The following CAMTA1 variants were observed in gnomAD, a reference collection of about 807,000 sequenced individuals.
CAMTA1 encodes the protein calmodulin-binding transcription activator 1.
In CAMTA1, 27 loss-of-function variants were observed where a neutral mutation model predicts 170.9. The ratio of observed to expected loss-of-function variants is 0.16; its 90% confidence interval spans 0.12 to 0.22. CAMTA1 has a LOEUF of 0.22. Among genes scored for constraint, CAMTA1 ranks in the 10% least tolerant of loss-of-function variants. The pLI is 1.00. For missense variants in CAMTA1, 1,619 were observed against 2,217.2 expected (o/e 0.73, Z 5.42); for synonymous variants, 833 against 891.5 (o/e 0.93, Z 1.17).
chr1:7,213,481 G>A (rs1170695205), intron 4 of CAMTA1, among the ~76,000 whole-genome samples: 2 of 151,774 alleles, frequency 1.3e-5, no homozygotes, highest in East Asian at 1.9e-4. Context: ...TAAGCTTTGG[G>A]GGTTCTTTAT....
At chr1:7,051,727 A>ATCCCT in intron 3 of CAMTA1, among the ~76,000 whole-genome samples, 1 of 152,116 alleles carries the variant, frequency 6.6e-6, no homozygotes, top group Non-Finnish European at 1.5e-5. Context: ...GGACAGACTC[A>ATCCCT]GGACCAGCCT....
chr1:6,977,194 A>G (rs749601502), intron 3 of CAMTA1, among the ~76,000 whole-genome samples: 5 of 152,196 alleles, frequency 3.3e-5, no homozygotes, highest in Admixed American at 6.5e-5. Flanking sequence ...TGCGGAGGAC[A>G]TCGGAGAATA....
At chr1:7,225,752 C>T (rs1167256500) in intron 4 of CAMTA1, among the ~76,000 whole-genome samples, 2 of 152,228 alleles carry the variant, frequency 1.3e-5, no homozygotes, top group Admixed American at 6.5e-5. Flanking sequence ...TTTTGGTTGG[C>T]TCAGAGTTCC....
chr1:7,191,236 C>G (rs971065237), intron 4 of CAMTA1, among the ~76,000 whole-genome samples: 3 of 152,178 alleles, frequency 2.0e-5, no homozygotes, highest in African/African-American at 7.2e-5. Context: ...GGGTAGGACA[C>G]CCCATAGCTT....
intron 3 of CAMTA1, among the ~76,000 whole-genome samples, chr1:6,911,190 G>A (rs1000201435): frequency 6.6e-6 from 1 of 152,078 alleles, no homozygotes; most frequent in African/African-American, 2.4e-5. Context: ...CTCCTTGAAC[G>A]TGGTGAGGAC....
chr1:7,036,359 A>G (rs559595233), intron 3 of CAMTA1, among the ~76,000 whole-genome samples: 38 of 152,332 alleles, frequency 2.5e-4, no homozygotes, highest in African/African-American at 8.9e-4. Flanking sequence ...TTCTACGTGA[A>G]AACTGCTAAA....
rs966516448 is a variant in CAMTA1, at chr1:7,680,143, C to A, written c.2914+2410C>A. The A allele has an allele frequency of 2.1e-5, 4 of 193,070 alleles. No homozygotes were observed. The highest frequency in any genetic ancestry group is 6.2e-5 in the Admixed American group (1 of 16,158). 12.0% of individuals were successfully genotyped at this position (193,070 alleles called of 1,614,324 possible). A position where few individuals can be genotyped will look rare whatever the true frequency, so the allele number is the denominator to read the frequency against. On this transcript the variant is annotated intron_variant, in intron 11 of 22. Coordinates refer to ENST00000303635, the MANE Select transcript of CAMTA1 (RefSeq NM_015215.4). This position sits in a 1 kb window ranked among gnomAD's most constrained non-coding sequence, Gnocchi z 4.4. Reference sequence around the variant, plus strand: ...CAGCTAGTCGGGAGCGCGGGGGTCCCGGGCCTCTGGCCAGCCACGGGGCCT... The same window carrying A: ...CAGCTAGTCGGGAGCGCGGGGGTCCAGGGCCTCTGGCCAGCCACGGGGCCT...
chr1:7,612,414 T>A, intron 6 of CAMTA1, among the ~76,000 whole-genome samples: 1 of 152,314 alleles, frequency 6.6e-6, no homozygotes, highest in East Asian at 1.9e-4. Flanking sequence ...ACTGTGCCAC[T>A]CTTCTGCCCC....
chr1:7,015,272 C>G (rs1700366832), intron 3 of CAMTA1, among the ~76,000 whole-genome samples: 2 of 152,166 alleles, frequency 1.3e-5, no homozygotes, highest in African/African-American at 4.8e-5. Context: ...CCTACGTTGT[C>G]CCCTGCTCCC....
intron 3 of CAMTA1, among the ~76,000 whole-genome samples, chr1:6,983,655 G>T (rs1046339910): frequency 2.0e-5 from 3 of 152,002 alleles, no homozygotes; most frequent in African/African-American, 7.2e-5. Context: ...TACAGAGCAG[G>T]CACTCAATAA....
Position 7,673,361 on chromosome 1 carries a change from G to A in CAMTA1, c.2779+2324G>A, listed in dbSNP as rs2096077439. Among the ~76,000 whole-genome samples, 2 of 152,256 alleles carry A rather than the reference G, an allele frequency of 1.3e-5. No individual in the cohort carries two copies. The stretch of plus-strand genomic sequence containing the variant: ...TCTGAAAACTGCCTGCCAGCAGGGC[G>A]AGAGCAGTGAGTGAGAGGAGGTGTG... On this transcript the variant is annotated intron_variant, in intron 10 of 22. Coordinates refer to ENST00000303635, the MANE Select transcript of CAMTA1 (RefSeq NM_015215.4). The surrounding 1 kb of genome is among the most constrained non-coding windows in gnomAD (Gnocchi z 4.6).
chr1:7,479,787 A>C (rs556144397), intron 6 of CAMTA1, among the ~76,000 whole-genome samples: 2 of 152,184 alleles, frequency 1.3e-5, no homozygotes, highest in Non-Finnish European at 2.9e-5. Context: ...CTAGTCCCTT[A>C]TCTGCTTCTG....
At chr1:7,120,573 C>T (rs891722622) in intron 4 of CAMTA1, among the ~76,000 whole-genome samples, 25 of 152,176 alleles carry the variant, frequency 1.6e-4, no homozygotes, top group African/African-American at 4.3e-4. Flanking sequence ...TTGCCTTTGC[C>T]GTTCTGTTGG....
At position 7,224,355 on chromosome 1, in the gene CAMTA1, C is replaced by T. The variant is rs1175986143; in HGVS notation, c.303-25136C>T. ...AAATTTGCACCGCTCTGCAGGCTCT[C>T]GTCCCAGTTGGCAAGGGCGCCACAG... On this transcript the variant is annotated intron_variant, in intron 4 of 22. Transcript: ENST00000303635. This position sits in a 1 kb window ranked among gnomAD's most constrained non-coding sequence, Gnocchi z 5.2. Among the ~76,000 whole-genome samples the T allele has an allele frequency of 1.3e-5, 2 of 152,174 alleles. No individual in the cohort carries two copies. The highest frequency in any genetic ancestry group is 2.9e-5 in the Non-Finnish European group (2 of 68,038).
At chr1:7,081,744 G>A (rs1461658183) in intron 3 of CAMTA1, among the ~76,000 whole-genome samples, 1 of 152,226 alleles carries the variant, frequency 6.6e-6, no homozygotes, top group Non-Finnish European at 1.5e-5. Context: ...GCTTCTCAGC[G>A]CCAAGCAGTG....
In CAMTA1 at chr1:7,014,094, C is replaced by T. The variant is rs2100828370; in HGVS notation, c.235-77210C>T. 6.6e-6 allele frequency among the ~76,000 whole-genome samples: 1 copy of T among 152,364 alleles called. No individual in the cohort carries two copies. Among genetic ancestry groups the T allele is most frequent in the East Asian group, 1.9e-4 (1 of 5,186 alleles). Reference sequence around the variant, plus strand: ...GTCGAGTGCGGTTCTGAAGGGCTTGCTCTGCCAAGGGGACCGGCTGGCTGG... The same window carrying T: ...GTCGAGTGCGGTTCTGAAGGGCTTGTTCTGCCAAGGGGACCGGCTGGCTGG... On this transcript the variant is annotated intron_variant, in intron 3 of 22. Coordinates refer to ENST00000303635, the MANE Select transcript of CAMTA1 (RefSeq NM_015215.4). The surrounding 1 kb of genome is among the most constrained non-coding windows in gnomAD (Gnocchi z 4.2).
chr1:7,070,605 G>T (rs988802850), intron 3 of CAMTA1, among the ~76,000 whole-genome samples: 1 of 152,170 alleles, frequency 6.6e-6, no homozygotes, highest in African/African-American at 2.4e-5. Flanking sequence ...CCAGCAAAGG[G>T]AGTGGTTGAG....
chr1:6,790,345 G>A (rs745878792), intron 1 of CAMTA1, among the ~76,000 whole-genome samples: 29 of 151,050 alleles, frequency 1.9e-4, no homozygotes, highest in South Asian at 1.3e-3. Context: ...CCCCCAGACT[G>A]TGTGCAGAGT....
At chr1:7,057,246 A>C (rs1268055188) in intron 3 of CAMTA1, among the ~76,000 whole-genome samples, 1 of 152,192 alleles carries the variant, frequency 6.6e-6, no homozygotes, top group Non-Finnish European at 1.5e-5. Context: ...CTCAGCTTGG[A>C]GACACATGTG....
Sources: allele counts gnomAD v4.1 joint callset (sites outside exome capture counted in the v4.1 genomes callset), GRCh38; gene constraint gnomAD v4.1.1; non-coding constraint Gnocchi (gnomAD v3.1); transcripts MANE v1.5; gene names NCBI Gene and HGNC (gene_info 2026-07-23, HGNC 2026-07-21).